The following SSH2 variants were observed in gnomAD, a reference collection of about 807,000 sequenced individuals.
SSH2 encodes the protein protein phosphatase Slingshot homolog 2.
A neutral mutation model predicts 135.2 loss-of-function variants in SSH2; 37 were observed. The observed-to-expected ratio is 0.27, with a 90% confidence interval of 0.21 to 0.36. The LOEUF is 0.36. Ranked by LOEUF, SSH2 falls within the 10% of genes least tolerant of loss-of-function variation. The probability of loss-of-function intolerance (pLI) is 1.00; values close to 1 mark genes in which losing one functional copy is unlikely to be tolerated. For synonymous variants in SSH2, 628 were observed against 646.2 expected (o/e 0.97, Z 0.43); for missense variants, 1,408 against 1,765.3 (o/e 0.80, Z 3.63).
At chr17:29,742,481 G>GTTTTTTTTTTT (rs35446491) in intron 3 of SSH2, among the ~76,000 whole-genome samples, 1 of 90,652 alleles carries the variant, frequency 1.1e-5, no homozygotes, top group Non-Finnish European at 2.0e-5. Flanking sequence ...ACCACACCCA[G>GTTTTTTTTTTT]TTTTTTTTTT....
rs191395861 is a variant in SSH2, at chr17:29,752,740, A to C, written c.188+41154T>G. Reference sequence around the variant, plus strand: ...GTTAAAAGTCAAGCAATAGGCTAGGAGAAAGTATTTTTGCCACATACTCAG... The same window carrying C: ...GTTAAAAGTCAAGCAATAGGCTAGGCGAAAGTATTTTTGCCACATACTCAG... On this transcript the variant is annotated intron_variant, in intron 3 of 15. Coordinates refer to ENST00000540801, the MANE Select transcript of SSH2 (RefSeq NM_001282129.2). Among the ~76,000 whole-genome samples the C allele has an allele frequency of 1.8e-3, 268 of 152,146 alleles. 1 individual carries two copies. The highest frequency in any genetic ancestry group is 6.3e-3 in the African/African-American group (260 of 41,528).
At chr17:29,756,899 T>A (rs552435630) in intron 3 of SSH2, among the ~76,000 whole-genome samples, 27 of 151,796 alleles carry the variant, frequency 1.8e-4, no homozygotes, top group Non-Finnish European at 3.2e-4. Flanking sequence ...TCGTGATCCA[T>A]CTGCCTCAGC....
chr17:29,749,047 A>G (rs567120848), intron 3 of SSH2, among the ~76,000 whole-genome samples: 3 of 152,260 alleles, frequency 2.0e-5, no homozygotes, highest in Non-Finnish European at 4.4e-5. Flanking sequence ...GATATAAAAA[A>G]GCAGTCAGTA....
At chr17:29,685,348 C>T (rs1347554492) in intron 5 of SSH2, among the ~76,000 whole-genome samples, 1 of 152,130 alleles carries the variant, frequency 6.6e-6, no homozygotes, top group East Asian at 1.9e-4. Context: ...GTAATAACAG[C>T]ATTGTGGTTA....
intron 3 of SSH2, among the ~76,000 whole-genome samples, chr17:29,782,943 A>C (rs1430213428): frequency 6.6e-6 from 1 of 151,944 alleles, no homozygotes; most frequent in Non-Finnish European, 1.5e-5. Context: ...CTGGTCTGGA[A>C]CCCCTGACCT....
chr17:29,651,877 TC>T (rs1294857673), intron 12 of SSH2, among the ~76,000 whole-genome samples: 1 of 152,168 alleles, frequency 6.6e-6, no homozygotes, highest in Non-Finnish European at 1.5e-5. Flanking sequence ...GCGCAGTGGC[TC>T]ACGCCTGTAA....
intron 3 of SSH2, among the ~76,000 whole-genome samples, chr17:29,734,337 T>G (rs1016384541): frequency 6.6e-6 from 1 of 152,146 alleles, no homozygotes; most frequent in Non-Finnish European, 1.5e-5. Flanking sequence ...AAATGGCAAG[T>G]TGGCAAAAAT....
rs1232528749 is a variant in SSH2 at position 29,775,279 on chromosome 17, CCTT to C, written c.188+18612_188+18614del. On this transcript the variant is annotated intron_variant, in intron 3 of 15. Coordinates refer to ENST00000540801, the MANE Select transcript of SSH2 (RefSeq NM_001282129.2). ...CAAACTGGAGTGTGAAAAATGAAGT[CCTT>C]CTTTCCTTTTTTTTTTTTTTTTTTG... 2.0e-5 allele frequency among the ~76,000 whole-genome samples: 3 copies of C among 151,074 alleles called. No homozygotes were observed. The East Asian group carries it at 5.8e-4, about 29-fold the overall frequency.
At chr17:29,731,306 G>A (rs770843223) in intron 3 of SSH2, among the ~76,000 whole-genome samples, 1 of 151,976 alleles carries the variant, frequency 6.6e-6, no homozygotes, top group Non-Finnish European at 1.5e-5. Flanking sequence ...CATGATTTTA[G>A]GAGATTATCA....
chr17:29,657,874 C>G (rs1311728643), intron 11 of SSH2, among the ~76,000 whole-genome samples: 2 of 151,504 alleles, frequency 1.3e-5, no homozygotes, highest in African/African-American at 4.9e-5. Context: ...CACACCCAGC[C>G]TAGCTTTAAT....
intron 3 of SSH2, among the ~76,000 whole-genome samples, chr17:29,745,536 TTG>T (rs1223600229): frequency 1.3e-5 from 2 of 152,204 alleles, no homozygotes; most frequent in African/African-American, 2.4e-5. Flanking sequence ...ATGCAATAAA[TTG>T]TGCTCTTATT....
intron 11 of SSH2, among the ~76,000 whole-genome samples, chr17:29,661,233 T>A (rs1379168649): frequency 6.6e-6 from 1 of 152,132 alleles, no homozygotes; most frequent in Non-Finnish European, 1.5e-5. Flanking sequence ...ATTGGCCTTC[T>A]CTGAGTATCT....
rs1237184339 is a variant in SSH2, at chr17:29,636,037, C to T, written c.2193G>A (p.Gln731=). The T allele has an allele frequency of 1.2e-6, 2 of 1,614,104 alleles. No individual in the cohort carries two copies. The highest frequency in any genetic ancestry group is 1.7e-6 in the Non-Finnish European group (2 of 1,180,040). ...VAPSKVTADD[Q]RSSSLSNTPH... The stretch of plus-strand genomic sequence containing the variant: ...GAGTATTACTCAAAGAGCTGCTTCT[C>T]TGGTCATCAGCTGTCACTTTGGAAG... Residue 731 remains glutamine, a synonymous_variant, in exon 15 of 16, where the codon CAG becomes CAA. Coordinates refer to ENST00000540801, the MANE Select transcript of SSH2 (RefSeq NM_001282129.2).
chr17:29,833,643 TTTTCC>T (rs1420529737), intron 2 of SSH2, among the ~76,000 whole-genome samples: 121 of 107,868 alleles, frequency 1.1e-3, no homozygotes, highest in Admixed American at 1.3e-3. Flanking sequence ...TTCTGTTTTT[TTTTCC>T]TTCCTTCCTT....
At chr17:29,661,562 C>T (rs966728428) in intron 11 of SSH2, among the ~76,000 whole-genome samples, 2 of 152,168 alleles carry the variant, frequency 1.3e-5, no homozygotes, top group African/African-American at 2.4e-5. Flanking sequence ...GCTCTGAAGG[C>T]TCTGCTCAAC....
intron 3 of SSH2, among the ~76,000 whole-genome samples, chr17:29,764,937 C>T (rs1259138478): frequency 1.3e-5 from 2 of 152,068 alleles, no homozygotes; most frequent in African/African-American, 2.4e-5. Flanking sequence ...TGCTGAAATG[C>T]GAATGAAGGA....
At chr17:29,899,989 C>T (rs1311018344) in intron 1 of SSH2, among the ~76,000 whole-genome samples, 14 of 152,116 alleles carry the variant, frequency 9.2e-5, no homozygotes, top group Admixed American at 9.2e-4. Flanking sequence ...ATATCTACAA[C>T]TATCTGATCT....
At chr17:29,697,372 GTTAA>G (rs1567890596) in intron 4 of SSH2, among the ~76,000 whole-genome samples, 1 of 152,098 alleles carries the variant, frequency 6.6e-6, no homozygotes, top group African/African-American at 2.4e-5. Context: ...ACTAATAGCT[GTTAA>G]TTATGAGATG....
chr17:29,690,012 CAA>C (rs946244880), intron 5 of SSH2, among the ~76,000 whole-genome samples: 13 of 31,356 alleles, frequency 4.1e-4, no homozygotes, highest in African/African-American at 1.3e-3. Flanking sequence ...AGATCCATCT[CAA>C]AAAAAAAAAA....
Sources: gnomAD v4.1 joint callset for allele counts (sites outside exome capture counted in the v4.1 genomes callset) on GRCh38, gnomAD v4.1.1 for gene constraint, MANE v1.5 for transcripts, NCBI Gene and HGNC (gene_info 2026-07-23, HGNC 2026-07-21) for gene names.